CNR2: variants seen among roughly 807,000 people sequenced by gnomAD.
CNR2 encodes cannabinoid receptor 2 (macrophage).
For synonymous variants in CNR2, 172 were observed against 182.2 expected (o/e 0.94, Z 0.45); for missense variants, 379 against 439.9 (o/e 0.86, Z 1.24).
intron 1 of CNR2, among the ~76,000 whole-genome samples, chr1:23,886,099 G>C (rs1308159048): frequency 6.7e-6 from 1 of 148,460 alleles, no homozygotes; most frequent in Non-Finnish European, 1.5e-5. Flanking sequence ...TGAGGCAGGA[G>C]AATCACTTGA....
Position 23,870,697 on chromosome 1 carries a change from G to A in CNR2, c.*3838C>T. 1 of 152,314 alleles carries A rather than the reference G, an allele frequency of 6.6e-6. No homozygotes were observed. Among genetic ancestry groups the A allele is most frequent in the East Asian group, 1.9e-4 (1 of 5,188 alleles). 9.4% of individuals were successfully genotyped at this position (152,314 alleles called of 1,614,324 possible). Reference sequence around the variant, plus strand: ...ACAGAACTGGAAGTTAGGAAACCTAGGTTTGTTGCACTGGACACCATCTCG... The same window carrying A: ...ACAGAACTGGAAGTTAGGAAACCTAAGTTTGTTGCACTGGACACCATCTCG... On this transcript the variant is annotated 3_prime_UTR_variant, in exon 2 of 2. Coordinates refer to ENST00000374472, the MANE Select transcript of CNR2 (RefSeq NM_001841.3).
intron 1 of CNR2, among the ~76,000 whole-genome samples, chr1:23,907,425 AAC>A (rs1428533607): frequency 1.1e-4 from 17 of 151,416 alleles, no homozygotes; most frequent in African/African-American, 4.1e-4. Context: ...AAAAAAAAAA[AAC>A]AAGAGAAAAA....
chr1:23,879,167 A>G (rs1266504082), intron 1 of CNR2, among the ~76,000 whole-genome samples: 1 of 150,210 alleles, frequency 6.7e-6, no homozygotes, highest in African/African-American at 2.5e-5. Context: ...GGTGGTGTGC[A>G]CCTGTAGTCC....
intron 1 of CNR2, chr1:23,907,813 G>A (rs1468045632): frequency 6.6e-6 from 1 of 151,868 alleles, no homozygotes; most frequent in Non-Finnish European, 1.5e-5. Flanking sequence ...TTTGATATCA[G>A]TTTCTTATGC....
chr1:23,875,600 C>T lies in CNR2; in HGVS notation c.18G>A (p.Val6=), dbSNP rs762116321. The change falls in exon 2 of 2, where the codon GTG becomes GTA. Residue 6 remains valine, a synonymous_variant. Coordinates refer to ENST00000374472, the MANE Select transcript of CNR2 (RefSeq NM_001841.3). MEECW[V]TEIANGSKDG... ...CCTTGGAGCCATTGGCTATCTCTGT[C>T]ACCCAGCATTCCTCCATGGGGTGGG... 3.1e-6 allele frequency: 5 copies of T among 1,604,942 alleles called. No homozygotes were observed. In the South Asian group the frequency reaches 3.3e-5, roughly 11 times the overall value.
At chr1:23,910,122 ATTTTTTTT>A (rs34885370) in intron 1 of CNR2, among the ~76,000 whole-genome samples, 3 of 120,304 alleles carry the variant, frequency 2.5e-5, no homozygotes, top group African/African-American at 9.8e-5. Context: ...CTAATTTTTA[ATTTTTTTT>A]TTTTTTTTTT....
Position 23,886,643 on chromosome 1 carries a change from C to T in CNR2, c.-45-10981G>A, listed in dbSNP as rs536126608. Among the ~76,000 whole-genome samples, 104 of 152,294 alleles carry T rather than the reference C, an allele frequency of 6.8e-4. 1 individual carries two copies. The highest frequency in any genetic ancestry group is 2.5e-3 in the African/African-American group (102 of 41,574). ...TGCAGGGGGATTCATATCACTATGTCCTTTCTTCAAGGCAGCCCAGGTTCC... is the reference window on the plus strand; with the variant it reads ...TGCAGGGGGATTCATATCACTATGTTCTTTCTTCAAGGCAGCCCAGGTTCC... On this transcript the variant is annotated intron_variant, in intron 1 of 1. Transcript: ENST00000374472.
rs1207814748 is a variant in CNR2, at chr1:23,899,749, G to A, written c.-46+13497C>T. ...GAATCACTTGAACCTGGAAGGTGGA[G>A]GGTGCAGTGAGCTGAGATTGCGTCA... On this transcript the variant is annotated intron_variant, in intron 1 of 1. Coordinates refer to ENST00000374472, the MANE Select transcript of CNR2 (RefSeq NM_001841.3). Among the ~76,000 whole-genome samples the A allele has an allele frequency of 1.3e-4, 15 of 117,576 alleles. 1 individual carries two copies. The South Asian group carries it at 3.9e-3, about 30-fold the overall frequency. 77.1% of individuals were successfully genotyped at this position (117,576 alleles called of 152,430 possible). A position where few individuals can be genotyped will look rare whatever the true frequency, so the allele number is the denominator to read the frequency against.
chr1:23,902,725 C>A, intron 1 of CNR2: 1 of 1,575,664 alleles, frequency 6.3e-7, no homozygotes, highest in Non-Finnish European at 8.6e-7. Flanking sequence ...GCGTTCCTCT[C>A]GCGCAGCGTG....
chr1:23,901,354 G>T, intron 1 of CNR2: 2 of 908,424 alleles, frequency 2.2e-6, no homozygotes, highest in South Asian at 2.0e-5. Flanking sequence ...AGCTTCAGTT[G>T]ACTACATGCC....
intron 1 of CNR2, chr1:23,902,243 C>A (rs1640412954): frequency 2.2e-6 from 3 of 1,353,444 alleles, no homozygotes; most frequent in Middle Eastern, 3.7e-4. Flanking sequence ...TGATCTCCAA[C>A]GTCTGCCGGT....
intron 1 of CNR2, among the ~76,000 whole-genome samples, chr1:23,903,841 C>T (rs937563416): frequency 3.3e-5 from 5 of 152,076 alleles, no homozygotes; most frequent in African/African-American, 7.2e-5. Context: ...GACAAGGAGA[C>T]GGAGGCGCAA....
At chr1:23,878,014 A>G (rs778087256) in intron 1 of CNR2, among the ~76,000 whole-genome samples, 18 of 152,138 alleles carry the variant, frequency 1.2e-4, no homozygotes, top group Non-Finnish European at 2.6e-4. Flanking sequence ...ATGCAGAACA[A>G]AGAGATAAAG....
chr1:23,890,280 G>A (rs984029762), intron 1 of CNR2, among the ~76,000 whole-genome samples: 180 of 126,432 alleles, frequency 1.4e-3, no homozygotes, highest in Middle Eastern at 4.1e-3. Flanking sequence ...AAAAAGAAAA[G>A]AAAAGAAAAG....
rs60331310 is a variant in CNR2 at position 23,872,132 on chromosome 1, C to CAAAAAAAAAAAA, written c.*2391_*2402dup. The CAAAAAAAAAAAA allele has an allele frequency of 1.7e-4, 8 of 46,418 alleles. No homozygotes were observed. Among genetic ancestry groups the CAAAAAAAAAAAA allele is most frequent in the African/African-American group, 4.9e-4 (6 of 12,314 alleles). 2.9% of individuals were successfully genotyped at this position (46,418 alleles called of 1,614,324 possible). A position where few individuals can be genotyped will look rare whatever the true frequency, so the allele number is the denominator to read the frequency against. The stretch of plus-strand genomic sequence containing the variant: ...TGGACAACAGAATGAGATTCCGTCT[C>CAAAAAAAAAAAA]AAAAAAAAAAAAAAAAAAAAAAAAG... On this transcript the variant is annotated 3_prime_UTR_variant, in exon 2 of 2. Coordinates refer to ENST00000374472, the MANE Select transcript of CNR2 (RefSeq NM_001841.3).
rs1182102611 is a variant in CNR2, at chr1:23,872,151, A to AAAC, written c.*2383_*2384insGTT. 2 of 150,558 alleles carry AAAC rather than the reference A, an allele frequency of 1.3e-5. No homozygotes were observed. The highest frequency in any genetic ancestry group is 1.9e-4 in the East Asian group (1 of 5,144). 9.3% of individuals were successfully genotyped at this position (150,558 alleles called of 1,614,324 possible). On this transcript the variant is annotated 3_prime_UTR_variant, in exon 2 of 2. Coordinates refer to ENST00000374472, the MANE Select transcript of CNR2 (RefSeq NM_001841.3). ...CCGTCTCAAAAAAAAAAAAAAAAAAAAAAAAGACACCAAGAGACACAGAGG... is the reference window on the plus strand; with the variant it reads ...CCGTCTCAAAAAAAAAAAAAAAAAAAAACAAAAAGACACCAAGAGACACAGAGG...
At chr1:23,901,479 A>T in intron 1 of CNR2, 1 of 1,559,934 alleles carries the variant, frequency 6.4e-7, no homozygotes, top group Non-Finnish European at 8.7e-7. Context: ...CCTCAGGCAT[A>T]GAAGATGAGC....
chr1:23,907,680 A>T (rs1454808231), intron 1 of CNR2: 1 of 151,772 alleles, frequency 6.6e-6, no homozygotes, highest in African/African-American at 2.4e-5. Context: ...TTAAGTAGAG[A>T]TGAGGTTTCA....
At chr1:23,911,415 G>C (rs1379719618) in intron 1 of CNR2, among the ~76,000 whole-genome samples, 3 of 152,098 alleles carry the variant, frequency 2.0e-5, no homozygotes, top group Non-Finnish European at 4.4e-5. Flanking sequence ...AGACAATCAA[G>C]TCCATTTGGG....
Sources: allele counts gnomAD v4.1 joint callset (sites outside exome capture counted in the v4.1 genomes callset), GRCh38; gene constraint gnomAD v4.1.1; transcripts MANE v1.5; gene names NCBI Gene and HGNC (gene_info 2026-07-23, HGNC 2026-07-21).